The following LRRC37A2 variants were observed in gnomAD, a reference collection of about 807,000 sequenced individuals.
LRRC37A2 encodes the protein leucine rich repeat containing 37 member A2, also known as leucine-rich repeat-containing protein 37A2.
LRRC37A2 carries 9 observed loss-of-function variants against 68.8 expected under a neutral mutation model. The observed-to-expected ratio is 0.13, with a 90% CI of 0.08 to 0.23. The LOEUF is 0.23. Among genes scored for constraint, LRRC37A2 ranks in the 10% least tolerant of loss-of-function variants. The pLI is 1.00. For missense variants in LRRC37A2, 168 were observed against 950.4 expected, an observed-to-expected ratio of 0.18 and a Z score of 10.82; for synonymous variants, 63 against 367.6, an observed-to-expected ratio of 0.17 and a Z score of 9.48.
the LRRC37A2 span, among the ~76,000 whole-genome samples, chr17:46,474,022 G>A: frequency 1.8e-5 from 2 of 108,298 alleles, 1 homozygote; most frequent in Non-Finnish European, 4.2e-5. Context: ...TTTAGGTTAT[G>A]TTCATTTTTT....
chr17:46,773,865 G>C, the LRRC37A2 span: 3 of 1,612,820 alleles, frequency 1.9e-6, no homozygotes, highest in South Asian at 2.2e-5. Context: ...GCAGAGCAGG[G>C]GCTGTGAGCC....
chr17:46,762,522 C>T, the LRRC37A2 span: 1 of 151,340 alleles, frequency 6.6e-6, no homozygotes, highest in Admixed American at 6.6e-5. Context: ...GTTTGTTTAC[C>T]TTCTCTTTAA....
At chr17:46,805,404 C>G in the LRRC37A2 span, among the ~76,000 whole-genome samples, 14 of 152,002 alleles carry the variant, frequency 9.2e-5, no homozygotes, top group Non-Finnish European at 1.6e-4. Flanking sequence ...GAAATCCCAT[C>G]TCTACTAAAA....
chr17:46,907,750 G>T, the LRRC37A2 span, among the ~76,000 whole-genome samples: 46 of 151,322 alleles, frequency 3.0e-4, no homozygotes, highest in African/African-American at 4.4e-4. Context: ...TACTCAGCGG[G>T]GGGGGTGAGG....
the LRRC37A2 span, among the ~76,000 whole-genome samples, chr17:47,009,894 G>A: frequency 4.8e-4 from 73 of 152,308 alleles, no homozygotes; most frequent in Admixed American, 8.5e-4. Flanking sequence ...CACCTTTTTC[G>A]CTACAGTTGG....
the LRRC37A2 span, among the ~76,000 whole-genome samples, chr17:46,966,328 G>A: frequency 1.3e-5 from 2 of 152,154 alleles, no homozygotes; most frequent in Admixed American, 6.5e-5. Context: ...GTGTTGCCCA[G>A]GGTGCAGTGC....
At chr17:46,981,327 T>C in the LRRC37A2 span, among the ~76,000 whole-genome samples, 8 of 152,162 alleles carry the variant, frequency 5.3e-5, no homozygotes, top group East Asian at 1.2e-3. Context: ...TGGGGTGAGA[T>C]GCTGCCATTG....
chr17:46,795,893 C>T, the LRRC37A2 span, among the ~76,000 whole-genome samples: 1 of 152,150 alleles, frequency 6.6e-6, no homozygotes, highest in African/African-American at 2.4e-5. Flanking sequence ...CACACACACA[C>T]ATGCATGCAC....
At chr17:46,769,235 G>T in the LRRC37A2 span, among the ~76,000 whole-genome samples, 1 of 149,970 alleles carries the variant, frequency 6.7e-6, no homozygotes, top group African/African-American at 2.5e-5. Flanking sequence ...AGAATTGCTT[G>T]AACTCGGGAG....
the LRRC37A2 span, chr17:47,018,851 C>A: frequency 6.6e-7 from 1 of 1,520,090 alleles, no homozygotes; most frequent in Non-Finnish European, 9.1e-7. Context: ...GGTTTACCAT[C>A]ACTCCAGAAT....
At chr17:46,754,149 CT>C in the LRRC37A2 span, among the ~76,000 whole-genome samples, 256 of 134,000 alleles carry the variant, frequency 1.9e-3, no homozygotes, top group African/African-American at 4.7e-3. Context: ...CCAGCCAGTT[CT>C]TTTTTTTTTT....
chr17:46,549,125 A>G lies in LRRC37A2; in HGVS notation c.3986A>G (p.Lys1329Arg), dbSNP rs772714726. The G allele has an allele frequency of 2.5e-6, 4 of 1,611,734 alleles. No individual in the cohort carries two copies. The African/African-American group carries it at 5.5e-5, about 22-fold the overall frequency. The change falls in exon 10 of 15, where the codon AAG becomes AGG. Residue 1329 changes from lysine to arginine, a missense_variant. Transcript: ENST00000576629. ...GTCAAAAAGAGTCCAAAGGTCAGAA[A>G]GAAAAGTTATCTGAGTAGACTGATG...
At chr17:46,823,507 C>T in the LRRC37A2 span, among the ~76,000 whole-genome samples, 9 of 151,868 alleles carry the variant, frequency 5.9e-5, no homozygotes, top group African/African-American at 1.9e-4. Flanking sequence ...GGTGCAGTCT[C>T]GGCTCACTGC....
At chr17:46,492,842 T>C in the LRRC37A2 span, among the ~76,000 whole-genome samples, 8 of 150,274 alleles carry the variant, frequency 5.3e-5, no homozygotes, top group African/African-American at 1.8e-4. Context: ...TACAGGCGTC[T>C]ACCACCACGC....
chr17:46,967,058 G>A, the LRRC37A2 span: 118 of 177,358 alleles, frequency 6.7e-4, no homozygotes, highest in African/African-American at 2.4e-3. Context: ...TGGCCTTCCC[G>A]CAGTGAATTG....
the LRRC37A2 span, among the ~76,000 whole-genome samples, chr17:46,977,821 T>A: frequency 6.6e-6 from 1 of 152,254 alleles, no homozygotes; most frequent in South Asian, 2.1e-4. Flanking sequence ...CAAATTGAAT[T>A]TTCCTTGTTC....
the LRRC37A2 span, among the ~76,000 whole-genome samples, chr17:47,026,018 G>A: frequency 7.2e-6 from 1 of 138,526 alleles, no homozygotes; most frequent in Non-Finnish European, 1.5e-5. Context: ...TTTATGCTCA[G>A]AAGAAATGGG....
chr17:46,903,334 C>T, the LRRC37A2 span, among the ~76,000 whole-genome samples: 6 of 151,246 alleles, frequency 4.0e-5, no homozygotes, highest in Admixed American at 6.6e-5. Flanking sequence ...TCAGTTATTA[C>T]AGGAATTGTC....
chr17:46,819,806 T>C, the LRRC37A2 span, among the ~76,000 whole-genome samples: 1 of 152,090 alleles, frequency 6.6e-6, no homozygotes, highest in African/African-American at 2.4e-5. This position sits in a 1 kb window ranked among gnomAD's most constrained non-coding sequence, Gnocchi z 5.3. Context: ...CTCCTCTCCC[T>C]CTCCAGAGCG....
Sources: allele counts gnomAD v4.1 joint callset (sites outside exome capture counted in the v4.1 genomes callset), GRCh38; gene constraint gnomAD v4.1.1; non-coding constraint Gnocchi (gnomAD v3.1); transcripts MANE v1.5; gene names NCBI Gene and HGNC (gene_info 2026-07-23, HGNC 2026-07-21).